Variants in NEK10 observed in about 807,000 individuals in gnomAD.
The protein encoded by NEK10 is serine/threonine-protein kinase Nek10.
NEK10 carries 122 observed loss-of-function variants against 159.8 expected under a neutral mutation model. The ratio of observed to expected loss-of-function variants is 0.76; its 90% confidence interval spans 0.66 to 0.89. The LOEUF (loss-of-function observed/expected upper bound fraction) is 0.89. Ranked by LOEUF, NEK10 falls within the 40% of genes least tolerant of loss-of-function variation. The pLI is 0.00. For synonymous variants in NEK10, 466 were observed against 457.1 expected, an observed-to-expected ratio of 1.02 and a Z score of -0.25; for missense variants, 1,342 against 1,323.1, an observed-to-expected ratio of 1.01 and a Z score of -0.22.
At chr3:27,141,718 T>C (rs1009081979) in intron 30 of NEK10, 136 bp from the exon 31 acceptor site, 3 of 572,936 alleles carry the variant, frequency 5.2e-6, no homozygotes, top group South Asian at 2.5e-5. Flanking sequence ...AGAGACCCTG[T>C]AATACTTCAA....
chr3:27,272,384 T>G (rs11920191), intron 22 of NEK10, among the ~76,000 whole-genome samples: 40,423 of 152,100 alleles, frequency 0.27, 5,512 homozygotes, highest in Middle Eastern at 0.39. Flanking sequence ...TGCTGCTATA[T>G]TCAACCCCTC....
chr3:27,186,173 C>A (rs1169781049), intron 26 of NEK10, among the ~76,000 whole-genome samples: 1 of 152,220 alleles, frequency 6.6e-6, no homozygotes, highest in Non-Finnish European at 1.5e-5. Context: ...ATCAGACAGG[C>A]AGCTTTGGTG....
intron 20 of NEK10, 38 bp from the exon 21 acceptor site, chr3:27,284,999 T>G: frequency 6.6e-7 from 1 of 1,525,102 alleles, no homozygotes; most frequent in Non-Finnish European, 8.9e-7. Context: ...AAATTTAAAC[T>G]CAATACAGGC....
At position 27,201,554 on chromosome 3, in the gene NEK10, G is replaced by C. The variant is rs17680166; in HGVS notation, c.2247C>G (p.Val749=). ...CTTTTTCAGAGTAGATACCTTCTGG[G>C]ACTGGTTCATATACCGCCTCCACTA... ...TKIVEAVYEP[V]PEGIYSEKVT... is the part of the protein sequence containing the mutation. The change falls in exon 25 of 36, where the codon GTC becomes GTG. Residue 749 remains valine (V), a synonymous_variant. Transcript: ENST00000691995. 0.25 allele frequency: 408,212 copies of C among 1,611,470 alleles called. 54,334 individuals carry two copies. The highest frequency in any genetic ancestry group is 0.39 in the Middle Eastern group (2,365 of 6,058).
At chr3:27,162,502 T>TG in intron 30 of NEK10, 199 bp downstream of exon 30, 1 of 1,614,188 alleles carries the variant, frequency 6.2e-7, no homozygotes, top group South Asian at 1.1e-5. Context: ...AGGAAGGCTA[T>TG]GGGACTGCCA....
In NEK10 at chr3:27,141,482, CTG is replaced by C. The variant is rs1237485838; in HGVS notation, c.2968_2969del (p.Gln990AlafsTer27). The C allele has an allele frequency of 6.2e-7, 1 of 1,600,604 alleles. No homozygotes were observed. The highest frequency in any genetic ancestry group is 1.7e-5 in the Admixed American group (1 of 59,090). ...GGAAATAAAAAGCTAGAACACTGAC[CTG>C]TGTGATATAGATTATTTTGTGCAGC... ...IQLHKIIYIT[Q>X]LPPALHHNLK... On this transcript the variant is annotated frameshift_variant and splice_region_variant, in exon 31 of 36. Coordinates refer to ENST00000691995, the MANE Select transcript of NEK10 (RefSeq NM_001394966.1). LOFTEE classifies it high-confidence loss of function.
At chr3:27,362,000 AT>A (rs200389403) in intron 1 of NEK10, among the ~76,000 whole-genome samples, 2 of 152,204 alleles carry the variant, frequency 1.3e-5, no homozygotes, top group African/African-American at 2.4e-5. Flanking sequence ...AAAAGAAGAC[AT>A]TTTTTAATGG....
chr3:27,330,094 C>T (rs913841671), intron 5 of NEK10, among the ~76,000 whole-genome samples: 6 of 151,856 alleles, frequency 4.0e-5, no homozygotes, highest in Non-Finnish European at 7.4e-5. Flanking sequence ...TTTTAATCTG[C>T]AGTTGGTTGA....
intron 22 of NEK10, among the ~76,000 whole-genome samples, chr3:27,275,592 C>T (rs1487736897): frequency 6.6e-6 from 1 of 152,144 alleles, no homozygotes; most frequent in Non-Finnish European, 1.5e-5. Context: ...AACCACAGAA[C>T]AAGTTCAAAG....
At chr3:27,304,654 A>G (rs2044094875) in intron 12 of NEK10, 93 bp downstream of exon 12, 2 of 770,692 alleles carry the variant, frequency 2.6e-6, no homozygotes, top group Admixed American at 2.0e-5. Flanking sequence ...AGCAGGAGGG[A>G]ATGAGGTGAC....
chr3:27,177,708 C>A (rs1311045689), intron 26 of NEK10, among the ~76,000 whole-genome samples: 1 of 152,116 alleles, frequency 6.6e-6, no homozygotes, highest in Non-Finnish European at 1.5e-5. Flanking sequence ...GTATCCAACT[C>A]TTTATAAAAT....
intron 1 of NEK10, among the ~76,000 whole-genome samples, chr3:27,359,080 T>C (rs2048506777): frequency 2.0e-5 from 3 of 151,752 alleles, no homozygotes; most frequent in Admixed American, 1.3e-4. Context: ...TGCATGCCTG[T>C]AGTCCCAGTT....
intron 22 of NEK10, among the ~76,000 whole-genome samples, chr3:27,260,384 G>A (rs1285937969): frequency 2.0e-5 from 3 of 152,170 alleles, no homozygotes. Context: ...ATTATTTTGA[G>A]ATAGGTCCCA....
At chr3:27,215,689 G>T in intron 23 of NEK10, 1 of 657,284 alleles carries the variant, frequency 1.5e-6, no homozygotes, top group Non-Finnish European at 2.8e-6. Context: ...AGAAATACCT[G>T]AGACTAGGTA....
chr3:27,168,270 A>G (rs933091719), intron 29 of NEK10, among the ~76,000 whole-genome samples: 1 of 151,664 alleles, frequency 6.6e-6, no homozygotes, highest in Non-Finnish European at 1.5e-5. Flanking sequence ...AAAAAAAAAG[A>G]AAAAGAAAAC....
chr3:27,242,330 G>A (rs934451322), intron 23 of NEK10, among the ~76,000 whole-genome samples: 5 of 152,062 alleles, frequency 3.3e-5, no homozygotes, highest in Non-Finnish European at 7.4e-5. Flanking sequence ...CTTATCAATC[G>A]ATTGATCAAT....
chr3:27,232,909 A>C (rs1953464734), intron 23 of NEK10, among the ~76,000 whole-genome samples: 2 of 152,106 alleles, frequency 1.3e-5, no homozygotes, highest in African/African-American at 4.8e-5. Context: ...ACAAAAATCA[A>C]ATCAAGATGG....
intron 30 of NEK10, among the ~76,000 whole-genome samples, chr3:27,159,625 A>C (rs914488846): frequency 2.8e-4 from 42 of 152,094 alleles, no homozygotes; most frequent in African/African-American, 8.9e-4. Context: ...TTCTATTGGC[A>C]GGGAATTGCA....
chr3:27,313,622 G>A (rs1032440106), intron 7 of NEK10, among the ~76,000 whole-genome samples: 4 of 152,080 alleles, frequency 2.6e-5, no homozygotes, highest in East Asian at 1.9e-4. Flanking sequence ...GTAAGACACC[G>A]TTTCAAATAT....
Sources: allele counts gnomAD v4.1 joint callset (sites outside exome capture counted in the v4.1 genomes callset), GRCh38; gene constraint gnomAD v4.1.1; transcripts MANE v1.5; gene names NCBI Gene and HGNC (gene_info 2026-07-23, HGNC 2026-07-21).